Variants in ULK4 observed in about 807,000 individuals in gnomAD.
ULK4 encodes unc-51 like kinase 4, also known as inactive serine/threonine-protein kinase ULK4.
A neutral mutation model predicts 160.6 loss-of-function variants in ULK4; 133 were observed. The ratio of observed to expected loss-of-function variants is 0.83; its 90% CI spans 0.72 to 0.96. The LOEUF is 0.96. Among genes scored for constraint, ULK4 ranks in the 40% least tolerant of loss-of-function variants. The pLI, the probability that ULK4 is intolerant of heterozygous loss-of-function variation, is 0.00. For synonymous variants in ULK4, 534 were observed against 539.8 expected, an observed-to-expected ratio of 0.99 and a Z score of 0.15; for missense variants, 1,580 against 1,499.5, an observed-to-expected ratio of 1.05 and a Z score of -0.89.
chr3:41,530,757 T>C (rs577018220), intron 32 of ULK4, among the ~76,000 whole-genome samples: 1 of 152,210 alleles, frequency 6.6e-6, no homozygotes, highest in Middle Eastern at 3.4e-3. Context: ...TGAAGTAAAA[T>C]GAATTTTTAT....
intron 35 of ULK4, among the ~76,000 whole-genome samples, chr3:41,260,816 T>G (rs2078925729): frequency 6.6e-6 from 1 of 152,222 alleles, no homozygotes; most frequent in Non-Finnish European, 1.5e-5. Flanking sequence ...GGAACAGTAC[T>G]GGAGCATAAG....
chr3:41,367,614 T>G (rs527679594), intron 35 of ULK4, among the ~76,000 whole-genome samples: 1 of 152,300 alleles, frequency 6.6e-6, no homozygotes, highest in Admixed American at 6.5e-5. Flanking sequence ...TTCCTGCTTA[T>G]GGTGGTATGT....
At chr3:41,446,334 T>C in intron 34 of ULK4, among the ~76,000 whole-genome samples, 1 of 152,142 alleles carries the variant, frequency 6.6e-6, no homozygotes, top group African/African-American at 2.4e-5. Flanking sequence ...CTCAGGGATC[T>C]AGAACTAGAA....
chr3:41,899,994 A>C (rs1698294949), intron 13 of ULK4, among the ~76,000 whole-genome samples: 1 of 152,224 alleles, frequency 6.6e-6, no homozygotes, highest in Admixed American at 6.5e-5. Flanking sequence ...ATTTATAAAT[A>C]AGAAAAAGAA....
In ULK4 at chr3:41,398,261, G is replaced by C. The variant is rs1335315046; in HGVS notation, c.3496C>G (p.Pro1166Ala). 1.2e-5 allele frequency: 19 copies of C among 1,611,014 alleles called. No individual in the cohort carries two copies. The highest frequency in any genetic ancestry group is 1.5e-5 in the Non-Finnish European group (18 of 1,179,036). The change falls in exon 35 of 37, where the codon CCT becomes GCT. Residue 1166 changes from proline (P) to alanine (A), a missense_variant. Transcript: ENST00000301831. ...TCAAAAATCTCAGGATCTTCATTAGGAAGCTGAAAATTAACAAATAAGACT... is the reference window on the plus strand; with the variant it reads ...TCAAAAATCTCAGGATCTTCATTAGCAAGCTGAAAATTAACAAATAAGACT... ...DLISLLIPLL[P>A]NEDPEIFDVS...
intron 4 of ULK4, among the ~76,000 whole-genome samples, chr3:41,933,577 A>G (rs1699663883): frequency 6.6e-6 from 1 of 152,210 alleles, no homozygotes; most frequent in South Asian, 2.1e-4. Context: ...TGAATTTTTC[A>G]GATCATAACA....
intron 5 of ULK4, among the ~76,000 whole-genome samples, chr3:41,927,557 TTGAA>T (rs777383405): frequency 1.3e-5 from 2 of 151,472 alleles, no homozygotes; most frequent in Non-Finnish European, 1.5e-5. Flanking sequence ...GACTGACAAA[TTGAA>T]TGAAGAGTTA....
chr3:41,302,246 G>T, intron 35 of ULK4, among the ~76,000 whole-genome samples: 1 of 152,186 alleles, frequency 6.6e-6, no homozygotes, highest in East Asian at 1.9e-4. Flanking sequence ...CATTGCCTCT[G>T]ATAATTGCCT....
At chr3:41,714,596 T>C (rs151112738) in intron 25 of ULK4, among the ~76,000 whole-genome samples, 1 of 152,258 alleles carries the variant, frequency 6.6e-6, no homozygotes, top group African/African-American at 2.4e-5. Flanking sequence ...ATAACATAAT[T>C]CATGAGCTAA....
At chr3:41,885,435 C>A (rs1697684856) in intron 16 of ULK4, among the ~76,000 whole-genome samples, 1 of 152,160 alleles carries the variant, frequency 6.6e-6, no homozygotes, top group Admixed American at 6.5e-5. Flanking sequence ...AACACCCTCA[C>A]AGTATAGGTT....
At chr3:41,292,998 T>A (rs1221441255) in intron 35 of ULK4, among the ~76,000 whole-genome samples, 1 of 152,054 alleles carries the variant, frequency 6.6e-6, no homozygotes, top group Non-Finnish European at 1.5e-5. Flanking sequence ...GGTGCATGTC[T>A]GTAGTCCCGG....
chr3:41,485,557 T>C (rs1189694885), intron 32 of ULK4, among the ~76,000 whole-genome samples: 1 of 152,236 alleles, frequency 6.6e-6, no homozygotes, highest in Non-Finnish European at 1.5e-5. Context: ...GCAGGGCATC[T>C]ATTATCCCAT....
intron 21 of ULK4, among the ~76,000 whole-genome samples, chr3:41,758,776 G>A (rs2038889088): frequency 6.6e-6 from 1 of 151,886 alleles, no homozygotes; most frequent in Admixed American, 6.5e-5. Flanking sequence ...GGGAGGCTGA[G>A]GCAGGAGAAT....
Position 41,715,232 on chromosome 3 carries a change from C to A in ULK4, c.2634+5G>T. 1.2e-6 allele frequency: 2 copies of A among 1,610,590 alleles called. No individual in the cohort carries two copies. The highest frequency in any genetic ancestry group is 1.7e-6 in the Non-Finnish European group (2 of 1,179,290). ...TAGAAACAAGGAAAATTTCGTGTTA[C>A]TCACAAGAATAGTTCCATAGCTGAA... On this transcript the variant is annotated splice_donor_5th_base_variant and intron_variant, in intron 25 of 36. Coordinates refer to ENST00000301831, the MANE Select transcript of ULK4 (RefSeq NM_017886.4).
In ULK4 at chr3:41,800,223, G is replaced by T. The variant is rs747202232; in HGVS notation, c.1919C>A (p.Ser640Tyr). The T allele has an allele frequency of 3.7e-5, 60 of 1,613,684 alleles. 1 individual carries two copies. The South Asian group carries it at 6.3e-4, about 17-fold the overall frequency. Residue 640 changes from serine (S) to tyrosine (Y), a missense_variant, in exon 20 of 37, where the codon TCC becomes TAC. Transcript: ENST00000301831. ...TATTTCTCCTGTAATAAAGCCCTGG[G>T]ACTGAGCAGAAAAGGTGGTACAGAC... Reference protein sequence around the residue: ...ENVCTTFSAQSQGFITGEIGP... With the variant: ...ENVCTTFSAQYQGFITGEIGP...
At chr3:41,393,739 T>A (rs2082001476) in intron 35 of ULK4, among the ~76,000 whole-genome samples, 1 of 152,154 alleles carries the variant, frequency 6.6e-6, no homozygotes, top group Non-Finnish European at 1.5e-5. Context: ...TGTTTTTCTA[T>A]GAATAAAAGA....
chr3:41,527,759 A>C (rs905305816), intron 32 of ULK4, among the ~76,000 whole-genome samples: 1 of 152,252 alleles, frequency 6.6e-6, no homozygotes, highest in Non-Finnish European at 1.5e-5. Flanking sequence ...TATTTATTGC[A>C]GATTTGTTAT....
chr3:41,895,248 A>C (rs1698114555), intron 16 of ULK4, among the ~76,000 whole-genome samples: 1 of 152,206 alleles, frequency 6.6e-6, no homozygotes, highest in Non-Finnish European at 1.5e-5. Context: ...CTTGTCTCTA[A>C]GAAAATAAAA....
chr3:41,734,287 T>A (rs1201586127), intron 22 of ULK4, among the ~76,000 whole-genome samples: 1 of 152,096 alleles, frequency 6.6e-6, no homozygotes, highest in African/African-American at 2.4e-5. Flanking sequence ...TACTCAGAAG[T>A]TTGGGTTTGA....
Sources: gnomAD v4.1 joint callset for allele counts (sites outside exome capture counted in the v4.1 genomes callset) on GRCh38, gnomAD v4.1.1 for gene constraint, MANE v1.5 for transcripts, NCBI Gene and HGNC (gene_info 2026-07-23, HGNC 2026-07-21) for gene names.